VAV3: variants seen among roughly 807,000 people sequenced by gnomAD.
VAV3 encodes guanine nucleotide exchange factor VAV3.
In VAV3, 94 loss-of-function variants were observed where a neutral mutation model predicts 131.2. The observed-to-expected ratio is 0.72, with a 90% CI of 0.61 to 0.85. VAV3 has a LOEUF of 0.85. Ranked by LOEUF, VAV3 falls within the 40% of genes least tolerant of loss-of-function variation. The pLI is 0.00. For missense variants in VAV3, 939 were observed against 1,002.7 expected (o/e 0.94, Z 0.86); for synonymous variants, 349 against 342.0 (o/e 1.02, Z -0.22).
rs1259249891 is a variant in VAV3 at position 107,878,991 on chromosome 1, TC to T, written c.205-3975del. ...AACAGAAAAAAAGCTTCCCCTGACC[TC>T]CCTTTTTTTCTATTTTTGTAATAAT... is the stretch of plus-strand genomic sequence containing the variant. On this transcript the variant is annotated intron_variant, in intron 1 of 26. Coordinates refer to ENST00000370056, the MANE Select transcript of VAV3 (RefSeq NM_006113.5). Among the ~76,000 whole-genome samples the T allele has an allele frequency of 3.3e-5, 5 of 152,234 alleles. No individual in the cohort carries two copies. The East Asian group carries it at 9.6e-4, about 29-fold the overall frequency.
intron 2 of VAV3, among the ~76,000 whole-genome samples, chr1:107,790,167 G>A (rs898303196): frequency 2.6e-4 from 40 of 152,202 alleles, no homozygotes; most frequent in Admixed American, 1.3e-4. Flanking sequence ...CAGAAGAAAG[G>A]TAAAGGGACC....
intron 1 of VAV3, among the ~76,000 whole-genome samples, chr1:107,914,092 GT>G (rs1672500194): frequency 6.6e-6 from 1 of 152,154 alleles, no homozygotes; most frequent in African/African-American, 2.4e-5. Context: ...CAGATGGTTG[GT>G]TTTTATATAA....
At chr1:107,575,235 G>A (rs1407264270) in intron 25 of VAV3, among the ~76,000 whole-genome samples, 1 of 152,056 alleles carries the variant, frequency 6.6e-6, no homozygotes, top group Non-Finnish European at 1.5e-5. Flanking sequence ...ATCACTCATC[G>A]GAGGTTGGTG....
At chr1:107,598,257 G>A (rs1229183823) in intron 24 of VAV3, among the ~76,000 whole-genome samples, 3 of 152,186 alleles carry the variant, frequency 2.0e-5, no homozygotes, top group African/African-American at 7.2e-5. Flanking sequence ...TTGGGAGGCT[G>A]AGGCAGGACA....
At chr1:107,764,075 G>GAAAAAA (rs11346427) in intron 9 of VAV3, among the ~76,000 whole-genome samples, 1 of 138,220 alleles carries the variant, frequency 7.2e-6, no homozygotes, top group Non-Finnish European at 1.6e-5. Context: ...TCCTCTTCAG[G>GAAAAAA]AAAAAAAAAA....
At chr1:107,851,109 T>G (rs1431522206) in intron 2 of VAV3, among the ~76,000 whole-genome samples, 1 of 150,044 alleles carries the variant, frequency 6.7e-6, no homozygotes, top group Non-Finnish European at 1.5e-5. Flanking sequence ...CCTCCGGAGC[T>G]TGCAGTGAGC....
intron 1 of VAV3, among the ~76,000 whole-genome samples, chr1:107,924,304 T>G (rs1225924549): frequency 1.3e-5 from 2 of 152,126 alleles, no homozygotes; most frequent in African/African-American, 4.8e-5. Context: ...AAATCAATTG[T>G]TATAAATTGT....
rs72981461 is a variant in VAV3 at position 107,829,822 on chromosome 1, G to A, written c.321+45079C>T. Among the ~76,000 whole-genome samples the A allele has an allele frequency of 4.8e-3, 729 of 152,072 alleles. 4 individuals are homozygous for A. The highest frequency in any genetic ancestry group is 0.015 in the African/African-American group (640 of 41,482). On this transcript the variant is annotated intron_variant, in intron 2 of 26. Coordinates refer to ENST00000370056, the MANE Select transcript of VAV3 (RefSeq NM_006113.5). ...AACATGTTCAATGTCAAAAGAGATC[G>A]CAGATTTGCTCCATATCATTTAATC... is the stretch of plus-strand genomic sequence containing the variant.
intron 20 of VAV3, among the ~76,000 whole-genome samples, chr1:107,640,733 G>C (rs887762892): frequency 7.9e-5 from 12 of 152,108 alleles, no homozygotes; most frequent in Non-Finnish European, 1.6e-4. Flanking sequence ...CTTATGAATA[G>C]GACATGGAGT....
At chr1:107,846,370 C>CATTA (rs1668967504) in intron 2 of VAV3, among the ~76,000 whole-genome samples, 1 of 151,622 alleles carries the variant, frequency 6.6e-6, no homozygotes, top group Non-Finnish European at 1.5e-5. Flanking sequence ...ACCATCAACA[C>CATTA]TGTGAAGAAA....
At position 107,683,514 on chromosome 1, in the gene VAV3, C is replaced by A. The variant is rs368084503; in HGVS notation, c.1751G>T (p.Arg584Leu). 7 of 1,613,856 alleles carry A rather than the reference C, an allele frequency of 4.3e-6. No individual in the cohort carries two copies. In the African/African-American group the frequency reaches 5.3e-5, roughly 12 times the overall value. The change falls in exon 19 of 27, where the codon CGA (arginine) becomes CTA (leucine). Residue 584 changes from arginine to leucine, a missense_variant. Coordinates refer to ENST00000370056, the MANE Select transcript of VAV3 (RefSeq NM_006113.5). ...TGGATCCACCTGTTTAGGAGTTCTT[C>A]GCAGTCCATTGGTCCGTTTCTGTGC... ...KLPEKRTNGLRRTPKQVDPGL... is the reference protein window; with the variant it reads ...KLPEKRTNGLLRTPKQVDPGL...
At chr1:107,782,707 C>T (rs115385734) in intron 2 of VAV3, among the ~76,000 whole-genome samples, 1,642 of 152,222 alleles carry the variant, frequency 0.011, 11 homozygotes, top group South Asian at 0.031. Flanking sequence ...TTAGTCAATG[C>T]GGTGTTTTTA....
intron 1 of VAV3, among the ~76,000 whole-genome samples, chr1:107,950,882 T>C (rs1674499924): frequency 6.6e-6 from 1 of 152,096 alleles, no homozygotes; most frequent in African/African-American, 2.4e-5. Flanking sequence ...GTCTAGAGGT[T>C]AGAGAGAGGA....
intron 15 of VAV3, among the ~76,000 whole-genome samples, chr1:107,730,214 G>T (rs1662141266): frequency 1.3e-5 from 2 of 152,156 alleles, no homozygotes; most frequent in African/African-American, 4.8e-5. Flanking sequence ...GTACCCTGAA[G>T]GAGAAGGATG....
At chr1:107,635,189 T>C (rs1406906585) in intron 20 of VAV3, among the ~76,000 whole-genome samples, 5 of 152,120 alleles carry the variant, frequency 3.3e-5, no homozygotes, top group Non-Finnish European at 7.3e-5. Context: ...ATTGCATCAC[T>C]ATTCACAATA....
At chr1:107,823,570 A>G (rs984963270) in intron 2 of VAV3, among the ~76,000 whole-genome samples, 3 of 152,180 alleles carry the variant, frequency 2.0e-5, no homozygotes, top group African/African-American at 7.2e-5. Context: ...CAGTGGAAGA[A>G]AAGCTGAGCA....
At chr1:107,869,740 C>G (rs1168479444) in intron 2 of VAV3, among the ~76,000 whole-genome samples, 1 of 152,096 alleles carries the variant, frequency 6.6e-6, no homozygotes, top group Non-Finnish European at 1.5e-5. Flanking sequence ...TTTTGGTGCA[C>G]CAATCACCCG....
chr1:107,777,121 T>G, intron 4 of VAV3, 110 bp downstream of exon 4: 1 of 962,222 alleles, frequency 1.0e-6, no homozygotes, highest in Non-Finnish European at 1.6e-6. Flanking sequence ...TAATCAGTAA[T>G]TAAGCCACTT....
intron 15 of VAV3, among the ~76,000 whole-genome samples, chr1:107,746,548 A>C (rs1663358854): frequency 6.6e-6 from 1 of 152,200 alleles, no homozygotes; most frequent in African/African-American, 2.4e-5. Flanking sequence ...TAAACCTGTA[A>C]GGCGGTGGCT....
Sources: gnomAD v4.1 joint callset for allele counts (sites outside exome capture counted in the v4.1 genomes callset) on GRCh38, gnomAD v4.1.1 for gene constraint, MANE v1.5 for transcripts, NCBI Gene and HGNC (gene_info 2026-07-23, HGNC 2026-07-21) for gene names.